The following FAM110A variants were observed in gnomAD, a reference collection of about 807,000 sequenced individuals.
The protein encoded by FAM110A is family with sequence similarity 110 member A.
A neutral mutation model predicts 4.0 loss-of-function variants in FAM110A; 1 was observed. The observed-to-expected ratio is 0.25, with a 90% confidence interval of 0.09 to 1.20. The LOEUF is 1.20. Ranked by LOEUF, FAM110A falls within the 50% of genes most tolerant of loss-of-function variation. The probability of loss-of-function intolerance (pLI) is 0.50; values close to 1 mark genes in which losing one functional copy is unlikely to be tolerated. For missense variants in FAM110A, 436 were observed against 429.2 expected, an observed-to-expected ratio of 1.02 and a Z score of -0.14; for synonymous variants, 217 against 196.8, an observed-to-expected ratio of 1.10 and a Z score of -0.86.
intron 1 of FAM110A, among the ~76,000 whole-genome samples, chr20:842,576 T>C (rs1979994881): frequency 6.6e-6 from 1 of 152,062 alleles, no homozygotes. Flanking sequence ...CTCTCCTGCC[T>C]TGGGAGCAGC....
intron 1 of FAM110A, among the ~76,000 whole-genome samples, 171 bp from the exon 2 acceptor site, chr20:844,537 T>TG (rs1259567487): frequency 6.6e-6 from 1 of 151,218 alleles, no homozygotes; most frequent in African/African-American, 2.4e-5. Context: ...GGGGTGTGGG[T>TG]GGGGCCTGAG....
intron 1 of FAM110A, chr20:839,666 G>A (rs1979769619): frequency 1.7e-6 from 2 of 1,211,540 alleles, no homozygotes; most frequent in Non-Finnish European, 2.5e-6. Context: ...TGCGGTGTAG[G>A]GTGGCAGGAA....
chr20:841,865 GT>G (rs2122682750), intron 1 of FAM110A, among the ~76,000 whole-genome samples: 1 of 152,362 alleles, frequency 6.6e-6, no homozygotes, highest in East Asian at 1.9e-4. Flanking sequence ...ACGTGGGGCT[GT>G]TGAGGTCAGC....
intron 1 of FAM110A, among the ~76,000 whole-genome samples, chr20:842,726 C>G (rs6038935): frequency 5.9e-5 from 9 of 152,146 alleles, no homozygotes; most frequent in Admixed American, 3.3e-4. Context: ...TCATTATTAT[C>G]GAATATGCTG....
At position 834,734 on chromosome 20, in the gene FAM110A, T is replaced by C. The variant is rs1979483350; in HGVS notation, c.-98+783T>C. Among the ~76,000 whole-genome samples the C allele has an allele frequency of 6.6e-6, 1 of 152,124 alleles. No homozygotes were observed. Among genetic ancestry groups the C allele is most frequent in the African/African-American group, 2.4e-5 (1 of 41,432 alleles). ...ACAGTCAGACAATGCAGTGGTTAGCTCCTAGTCCCTCTGGCTTCAATCTTA... is the reference window on the plus strand; with the variant it reads ...ACAGTCAGACAATGCAGTGGTTAGCCCCTAGTCCCTCTGGCTTCAATCTTA... On this transcript the variant is annotated intron_variant, in intron 1 of 1. Transcript: ENST00000381941. This position sits in a 1 kb window ranked among gnomAD's most constrained non-coding sequence, Gnocchi z 5.6.
chr20:841,857 G>A (rs1318669188), intron 1 of FAM110A, among the ~76,000 whole-genome samples: 1 of 152,228 alleles, frequency 6.6e-6, no homozygotes, highest in Non-Finnish European at 1.5e-5. Context: ...CACCCGTGAC[G>A]TGGGGCTGTT....
At chr20:842,582 G>A (rs1979995064) in intron 1 of FAM110A, among the ~76,000 whole-genome samples, 2 of 152,192 alleles carry the variant, frequency 1.3e-5, no homozygotes, top group South Asian at 4.1e-4. Context: ...TGCCTTGGGA[G>A]CAGCACCCAA....
Position 844,855 on chromosome 20 carries a change from T to G in FAM110A, c.51T>G (p.Pro17=). ...GAGCCCCGTCCGCCCCCGCCCTACC[T>G]TGCCGCCTGCGGACCAGGGTCCCTG... ...SPGAPSAPAL[P]CRLRTRVPGY... is the part of the protein sequence containing the mutation. The change falls in exon 2 of 2, where the codon CCT becomes CCG. Residue 17 remains proline (P), a synonymous_variant. Coordinates refer to ENST00000381941, the MANE Select transcript of FAM110A (RefSeq NM_001042353.3). The G allele has an allele frequency of 1.3e-6, 2 of 1,536,128 alleles. No homozygotes were observed.
At chr20:842,623 A>G (rs1383973248) in intron 1 of FAM110A, among the ~76,000 whole-genome samples, 1 of 152,264 alleles carries the variant, frequency 6.6e-6, no homozygotes, top group East Asian at 1.9e-4. Context: ...GCTGCTGCAG[A>G]GGTCTCCAGC....
rs1213567847 is a variant in FAM110A, at chr20:845,582, G to A, written c.778G>A (p.Ala260Thr). ...RRSSVTVEER[A>T]RERVPYGVSV... ...CAGCTCGGTGACTGTTGAGGAGCGG[G>A]CCCGGGAGCGCGTTCCCTATGGCGT... The change falls in exon 2 of 2, where the codon GCC (alanine) becomes ACC (threonine). Residue 260 changes from alanine to threonine, a missense_variant. By Grantham distance (58) the Ala-to-Thr change is moderately conservative (BLOSUM62 0). Transcript: ENST00000381941. 6.2e-7 allele frequency: 1 copy of A among 1,613,840 alleles called. No homozygotes were observed. Among genetic ancestry groups the A allele is most frequent in the Non-Finnish European group, 8.5e-7 (1 of 1,179,998 alleles).
At position 840,214 on chromosome 20, in the gene FAM110A, C is replaced by T. The variant is rs1979811577; in HGVS notation, c.-97-4494C>T. On this transcript the variant is annotated intron_variant, in intron 1 of 1. Coordinates refer to ENST00000381941, the MANE Select transcript of FAM110A (RefSeq NM_001042353.3). This position sits in a 1 kb window ranked among gnomAD's most constrained non-coding sequence, Gnocchi z 4.4. ...TAAAGTCAGGGACTGGAGGAGGCTG[C>T]AGTGCTGAGGGGGAAGGAAAGCTGA... Among the ~76,000 whole-genome samples the T allele has an allele frequency of 1.3e-5, 2 of 152,142 alleles. No individual in the cohort carries two copies. The highest frequency in any genetic ancestry group is 1.3e-4 in the Admixed American group (2 of 15,270).
At position 834,130 on chromosome 20, in the gene FAM110A, C is replaced by T. The variant is rs1979456976; in HGVS notation, c.-98+179C>T. 1.3e-5 allele frequency among the ~76,000 whole-genome samples: 2 copies of T among 152,222 alleles called. No individual in the cohort carries two copies. The highest frequency in any genetic ancestry group is 4.8e-5 in the African/African-American group (2 of 41,462). On this transcript the variant is annotated intron_variant, in intron 1 of 1. Coordinates refer to ENST00000381941, the MANE Select transcript of FAM110A (RefSeq NM_001042353.3). The surrounding 1 kb of genome is among the most constrained non-coding windows in gnomAD (Gnocchi z 5.6). Reference sequence around the variant, plus strand: ...CTCTGGCGGAGAATCCAGTTCAAGTCTTTCTGCCCCACCTCGCAGCCCCCT... The same window carrying T: ...CTCTGGCGGAGAATCCAGTTCAAGTTTTTCTGCCCCACCTCGCAGCCCCCT...
chr20:844,640 G>C, intron 1 of FAM110A, 68 bp from the exon 2 acceptor site: 1 of 1,174,432 alleles, frequency 8.5e-7, no homozygotes, highest in Non-Finnish European at 1.1e-6. Flanking sequence ...TATCCTCTCA[G>C]CCGCGGCTGA....
chr20:844,610 T>C (rs1448195858), intron 1 of FAM110A, 98 bp from the exon 2 acceptor site: 15 of 839,334 alleles, frequency 1.8e-5, no homozygotes, highest in Non-Finnish European at 2.5e-5. Context: ...GGTCTCTACC[T>C]TATAATAGGG....
At chr20:835,460 C>G (rs1439417823) in intron 1 of FAM110A, among the ~76,000 whole-genome samples, 1 of 151,970 alleles carries the variant, frequency 6.6e-6, no homozygotes, top group African/African-American at 2.4e-5. Context: ...CTGCCTCCCC[C>G]TCCCCTTTCT....
intron 1 of FAM110A, among the ~76,000 whole-genome samples, chr20:838,903 A>G (rs1600005948): frequency 7.3e-6 from 1 of 137,522 alleles, no homozygotes; most frequent in Non-Finnish European, 1.5e-5. Flanking sequence ...CACTGCAGGG[A>G]GCTTGGATTT....
chr20:836,253 G>C (rs115242127), intron 1 of FAM110A: 1 of 143,350 alleles, frequency 7.0e-6, no homozygotes, highest in Non-Finnish European at 1.5e-5. Flanking sequence ...TTTTGGGGGG[G>C]GGGGTGGGGT....
In FAM110A at chr20:845,009, C is replaced by A; in HGVS notation, c.205C>A (p.Pro69Thr). 1 of 1,595,498 alleles carries A rather than the reference C, an allele frequency of 6.3e-7. No homozygotes were observed. The highest frequency in any genetic ancestry group is 1.3e-5 in the African/African-American group (1 of 74,526). Reference protein sequence around the residue: ...VANTRQEPVQPLLSKQPLFSP... With the variant: ...VANTRQEPVQTLLSKQPLFSP... ...CAACACCCGCCAGGAGCCTGTGCAG[C>A]CCCTGCTGTCCAAACAGCCGCTCTT... The change falls in exon 2 of 2, where the codon CCC (proline) becomes ACC (threonine). Residue 69 changes from proline to threonine, a missense_variant. Transcript: ENST00000381941.
intron 1 of FAM110A, among the ~76,000 whole-genome samples, chr20:836,370 C>T (rs992360652): frequency 6.6e-6 from 1 of 152,140 alleles, no homozygotes; most frequent in Non-Finnish European, 1.5e-5. Context: ...GCCTCTCCCC[C>T]CAGTGCCTGG....
Sources: allele counts gnomAD v4.1 joint callset (sites outside exome capture counted in the v4.1 genomes callset), GRCh38; gene constraint gnomAD v4.1.1; non-coding constraint Gnocchi (gnomAD v3.1); transcripts MANE v1.5; gene names NCBI Gene and HGNC (gene_info 2026-07-23, HGNC 2026-07-21).